Variants in BRCA1 observed in about 807,000 individuals in gnomAD.
The protein encoded by BRCA1 is BRCA1 DNA repair associated.
BRCA1 carries 140 observed loss-of-function variants against 173.7 expected under a neutral mutation model. The ratio of observed to expected loss-of-function variants is 0.81; its 90% confidence interval spans 0.70 to 0.93. The LOEUF (loss-of-function observed/expected upper bound fraction) is 0.93. Among genes scored for constraint, BRCA1 ranks in the 40% least tolerant of loss-of-function variants. The pLI is 0.00. For synonymous variants in BRCA1, 662 were observed against 756.0 expected, an observed-to-expected ratio of 0.88 and a Z score of 2.04; for missense variants, 1,983 against 2,172.5, an observed-to-expected ratio of 0.91 and a Z score of 1.73.
At chr17:43,053,062 G>A (rs9889400) in intron 19 of BRCA1, among the ~76,000 whole-genome samples, 1 of 151,908 alleles carries the variant, frequency 6.6e-6, no homozygotes, top group East Asian at 1.9e-4. Context: ...ATTTTTAGTA[G>A]AAACGGGGTT....
chr17:43,106,512 G>T lies in BRCA1; in HGVS notation c.156C>A (p.Leu52=), dbSNP rs2054789276. The change falls in exon 4 of 23, where the codon CTC becomes CTA. Residue 52 remains leucine (L), a synonymous_variant. Coordinates refer to ENST00000357654, the MANE Select transcript of BRCA1 (RefSeq NM_007294.4). ...IFCKFCMLKL[L]NQKKGPSQCP... Reference sequence around the variant, plus strand: ...ACTGTGAAGGCCCTTTCTTCTGGTTGAGAAGTTTCAGCATGCAAAATCTAT... The same window carrying T: ...ACTGTGAAGGCCCTTTCTTCTGGTTTAGAAGTTTCAGCATGCAAAATCTAT... 6.2e-7 allele frequency: 1 copy of T among 1,601,544 alleles called. No homozygotes were observed. The highest frequency in any genetic ancestry group is 1.1e-5 in the South Asian group (1 of 90,352).
intron 1 of BRCA1, among the ~76,000 whole-genome samples, chr17:43,151,190 G>A (rs1597941557): frequency 6.6e-6 from 1 of 152,178 alleles, no homozygotes; most frequent in East Asian, 1.9e-4. Flanking sequence ...TATTTACATA[G>A]CCAAGATAAC....
chr17:43,084,176 G>A (rs1204342891), intron 11 of BRCA1, among the ~76,000 whole-genome samples: 2 of 152,028 alleles, frequency 1.3e-5, no homozygotes, highest in African/African-American at 4.8e-5. Flanking sequence ...GATTACAGGC[G>A]CCCGCCACCA....
At chr17:43,169,257 C>A (rs779231301) in intron 1 of BRCA1, among the ~76,000 whole-genome samples, 2 of 152,186 alleles carry the variant, frequency 1.3e-5, no homozygotes, top group Non-Finnish European at 2.9e-5. Flanking sequence ...CGGCTCACTG[C>A]AACCTCCGCC....
At chr17:43,071,637 A>C (rs185520356) in intron 14 of BRCA1, among the ~76,000 whole-genome samples, 261 of 152,350 alleles carry the variant, frequency 1.7e-3, no homozygotes, top group African/African-American at 6.0e-3. Flanking sequence ...GTTGATGTAC[A>C]ATAAAACAGA....
At chr17:43,160,842 T>C (rs6503727) in intron 1 of BRCA1, 77,098 of 152,014 alleles carry the variant, frequency 0.51, 22,955 homozygotes, top group Non-Finnish European at 0.66. Context: ...CATTTTGGTA[T>C]ACTAAGGTAG....
intron 6 of BRCA1, among the ~76,000 whole-genome samples, chr17:43,100,560 A>AACATATATATAACATATATATAT: frequency 6.2e-5 from 1 of 16,064 alleles, no homozygotes; most frequent in East Asian, 1.3e-3. Context: ...GTGTGTGTGT[A>AACATATATATAACATATATATAT]TATATATATA....
rs767666190 is a variant in BRCA1, at chr17:43,094,456, G to A, written c.1075C>T (p.Pro359Ser). 8.1e-6 allele frequency: 13 copies of A among 1,613,962 alleles called. No individual in the cohort carries two copies. Among genetic ancestry groups the A allele is most frequent in the South Asian group, 4.4e-5 (4 of 91,068 alleles). ...ERKEWNKQKL[P>S]CSENPRDTED... ...GTATCTCTAGGATTCTCTGAGCATG[G>A]CAGTTTCTGCTTATTCCATTCTTTT... is the stretch of plus-strand genomic sequence containing the variant. Residue 359 changes from proline to serine, a missense_variant, in exon 10 of 23, where the codon CCA (proline) becomes TCA (serine). Coordinates refer to ENST00000357654, the MANE Select transcript of BRCA1 (RefSeq NM_007294.4).
chr17:43,059,078 G>A (rs2051632603), intron 18 of BRCA1, among the ~76,000 whole-genome samples: 1 of 152,184 alleles, frequency 6.6e-6, no homozygotes, highest in Non-Finnish European at 1.5e-5. Context: ...AGACTCCCAT[G>A]TTCATAGTCC....
chr17:43,132,440 T>C (rs2055975363), intron 1 of BRCA1, among the ~76,000 whole-genome samples: 1 of 152,050 alleles, frequency 6.6e-6, no homozygotes, highest in South Asian at 2.1e-4. Context: ...CAGCCCTGGC[T>C]CTAAAACCCA....
intron 3 of BRCA1, among the ~76,000 whole-genome samples, chr17:43,106,947 G>A (rs901285990): frequency 6.6e-6 from 1 of 151,956 alleles, no homozygotes; most frequent in Admixed American, 6.6e-5. Context: ...AAGAAAGTGT[G>A]GTAATAGCAT....
At chr17:43,075,867 G>A (rs913044219) in intron 13 of BRCA1, among the ~76,000 whole-genome samples, 6 of 152,016 alleles carry the variant, frequency 3.9e-5, no homozygotes, top group South Asian at 2.1e-4. Context: ...CAAGGCGGGC[G>A]GACTACTTGA....
chr17:43,130,047 A>G (rs555768791), upstream of BRCA1, among the ~76,000 whole-genome samples: 19 of 152,326 alleles, frequency 1.2e-4, no homozygotes, highest in African/African-American at 4.3e-4. Flanking sequence ...AAAGTGCCTG[A>G]TCTTCACAGA....
At position 43,045,758 on chromosome 17, in the gene BRCA1, C is replaced by T. The variant is rs730881501; in HGVS notation, c.5512G>A (p.Val1838Met). ...TGGTAGAGTGCTACACTGTCCAACACCCACTCTCGGGTCACCACAGGTGCC... is the reference window on the plus strand; with the variant it reads ...TGGTAGAGTGCTACACTGTCCAACATCCACTCTCGGGTCACCACAGGTGCC... ...CEAPVVTREWVLDSVALYQCQ... is the reference protein window; with the variant it reads ...CEAPVVTREWMLDSVALYQCQ... Residue 1838 changes from valine to methionine, a missense_variant, in exon 23 of 23, where the codon GTG (valine) becomes ATG (methionine). Physicochemically the swap from Val to Met is conservative, Grantham distance 21 (BLOSUM62 1). Coordinates refer to ENST00000357654, the MANE Select transcript of BRCA1 (RefSeq NM_007294.4). 1 of 1,613,968 alleles carries T rather than the reference C, an allele frequency of 6.2e-7. No homozygotes were observed. The highest frequency in any genetic ancestry group is 8.5e-7 in the Non-Finnish European group (1 of 1,180,034).
At chr17:43,142,897 C>A (rs957114664) in intron 1 of BRCA1, among the ~76,000 whole-genome samples, 1 of 151,210 alleles carries the variant, frequency 6.6e-6, no homozygotes, top group African/African-American at 2.4e-5. Context: ...GCATGTGCCA[C>A]CATGCCCGGC....
chr17:43,094,708 C>T lies in BRCA1; in HGVS notation c.823G>A (p.Gly275Ser), dbSNP rs8176153. The T allele has an allele frequency of 2.9e-4, 461 of 1,611,784 alleles. 5 individuals carry two copies. In the South Asian group the frequency reaches 4.9e-3, roughly 17 times the overall value. The change falls in exon 10 of 23, where the codon GGC becomes AGC. Residue 275 changes from glycine (G) to serine (S), a missense_variant. By Grantham distance (56) the Gly-to-Ser change is moderately conservative. Coordinates refer to ENST00000357654, the MANE Select transcript of BRCA1 (RefSeq NM_007294.4). ...AATGAGCTGGCATGAGTATTTGTGC[C>T]ACATGGCTCCACATGCAAGTTTGAA... ...SVSNLHVEPC[G>S]TNTHASSLQH...
At chr17:43,058,507 C>T (rs1184265081) in intron 18 of BRCA1, among the ~76,000 whole-genome samples, 1 of 152,190 alleles carries the variant, frequency 6.6e-6, no homozygotes, top group Non-Finnish European at 1.5e-5. Flanking sequence ...AGGATCTCAG[C>T]TGTTGAAATC....
chr17:43,055,602 T>C (rs2051424852), intron 19 of BRCA1, among the ~76,000 whole-genome samples: 1 of 152,134 alleles, frequency 6.6e-6, no homozygotes, highest in Admixed American at 6.5e-5. Flanking sequence ...CTGGCCAACA[T>C]GTTGAAACCT....
chr17:43,100,657 CATATATATATATATATATATAATATATAT>C (rs1228805098), intron 6 of BRCA1, among the ~76,000 whole-genome samples: 2 of 16,132 alleles, frequency 1.2e-4, no homozygotes. Flanking sequence ...ATATATATAA[CATATATATATATATATATATAATATATAT>C]ATATATATAT....
Sources: allele counts gnomAD v4.1 joint callset (sites outside exome capture counted in the v4.1 genomes callset), GRCh38; gene constraint gnomAD v4.1.1; transcripts MANE v1.5; gene names NCBI Gene and HGNC (gene_info 2026-07-23, HGNC 2026-07-21).